The following SLC2A7 variants were observed in gnomAD, a reference collection of about 807,000 sequenced individuals.
SLC2A7 encodes solute carrier family 2 member 7.
Under a neutral mutation model 50.5 loss-of-function variants are expected in SLC2A7, and 50 were observed. That is an observed-to-expected ratio of 0.99 (90% confidence interval 0.79 to 1.25). The LOEUF (loss-of-function observed/expected upper bound fraction) is 1.25, where lower values mean the gene tolerates loss of function less well. SLC2A7 is among the 50% of genes most tolerant of loss of function. SLC2A7 has a pLI of 0.00. For missense variants in SLC2A7, 683 were observed against 679.1 expected (o/e 1.01, Z -0.06); for synonymous variants, 308 against 300.4 (o/e 1.03, Z -0.26).
chr1:8,993,613 T>G, the SLC2A7 span, among the ~76,000 whole-genome samples: 3 of 152,278 alleles, frequency 2.0e-5, no homozygotes, highest in African/African-American at 7.2e-5. Flanking sequence ...AATAAAAGTA[T>G]TCTATAAAAA....
chr1:9,014,821 C>G lies in SLC2A7; in HGVS notation c.763G>C (p.Asp255His). 1 of 1,605,686 alleles carries G rather than the reference C, an allele frequency of 6.2e-7. No homozygotes were observed. The highest frequency in any genetic ancestry group is 2.2e-5 in the East Asian group (1 of 44,472). The change falls in exon 7 of 12, where the codon GAC becomes CAC. Residue 255 changes from aspartate to histidine, a missense_variant. Asp to His is a moderately conservative substitution (Grantham distance 81). Transcript: ENST00000400906. Reference protein sequence around the residue: ...GHTDMEAELEDMRAEARAERA... With the variant: ...GHTDMEAELEHMRAEARAERA... Reference sequence around the variant, plus strand: ...TCGGCCCGGGCCTCCGCACGCATGTCCTCCAGCTCGGCCTCCATGTCCGTG... The same window carrying G: ...TCGGCCCGGGCCTCCGCACGCATGTGCTCCAGCTCGGCCTCCATGTCCGTG...
chr1:8,993,139 C>T, the SLC2A7 span, among the ~76,000 whole-genome samples: 3 of 152,208 alleles, frequency 2.0e-5, no homozygotes, highest in Non-Finnish European at 4.4e-5. Flanking sequence ...GAGCAAGGCA[C>T]GTCTTACACG....
At chr1:9,021,521 A>G (rs1252303788) in intron 3 of SLC2A7, among the ~76,000 whole-genome samples, 1 of 152,150 alleles carries the variant, frequency 6.6e-6, no homozygotes, top group African/African-American at 2.4e-5. Flanking sequence ...TGGTGCCAAG[A>G]GCAGGGAGTG....
At chr1:8,994,535 C>T in the SLC2A7 span, among the ~76,000 whole-genome samples, 2 of 152,090 alleles carry the variant, frequency 1.3e-5, no homozygotes, top group African/African-American at 2.4e-5. Flanking sequence ...GATAAACAAG[C>T]ATTTACTGAA....
At position 9,004,796 on chromosome 1, in the gene SLC2A7, A is replaced by T. The variant is rs1395554100; in HGVS notation, c.1276T>A (p.Trp426Arg). The T allele has an allele frequency of 1.9e-6, 3 of 1,613,996 alleles. No homozygotes were observed. In the Admixed American group the frequency reaches 5.0e-5, roughly 27 times the overall value. ...AAGCCTATGATGAAGTTGGTGAGCCAGTGCACTGCCCCGTCCACCATGAAA... is the reference window on the plus strand; with the variant it reads ...AAGCCTATGATGAAGTTGGTGAGCCTGTGCACTGCCCCGTCCACCATGAAA... Reference protein sequence around the residue: ...AAFMVDGAVHWLTNFIIGFLF... With the variant: ...AAFMVDGAVHRLTNFIIGFLF... The change falls in exon 11 of 12, where the codon TGG (tryptophan) becomes AGG (arginine). Residue 426 changes from tryptophan to arginine, a missense_variant. Coordinates refer to ENST00000400906, the MANE Select transcript of SLC2A7 (RefSeq NM_207420.3).
intron 10 of SLC2A7, among the ~76,000 whole-genome samples, chr1:9,006,528 A>T (rs1640655736): frequency 6.6e-6 from 1 of 152,196 alleles, no homozygotes; most frequent in Non-Finnish European, 1.5e-5. Context: ...TTGGGATTAC[A>T]GGCATGAGCC....
Position 9,010,149 on chromosome 1 carries a change from T to G in SLC2A7, c.1110A>C (p.Leu370=), listed in dbSNP as rs539234300. 1 of 1,542,754 alleles carries G rather than the reference T, an allele frequency of 6.5e-7. No individual in the cohort carries two copies. Among genetic ancestry groups the G allele is most frequent in the Admixed American group, 2.0e-5 (1 of 50,832 alleles). The change falls in exon 9 of 12, where the codon CTA becomes CTC. Residue 370 remains leucine, a synonymous_variant. Transcript: ENST00000400906. ...SACLVLTVVL[L]FQNRVPELSY... is the part of the protein sequence containing the mutation. ...GCAGGAAATGAGGTCAGACCTGGAA[T>G]AGGAGCACCACCGTCAGCACCAGGC...
At chr1:9,010,110 TC>T (rs1477667534) in intron 9 of SLC2A7, 32 bp downstream of exon 9, 2 of 1,304,808 alleles carry the variant, frequency 1.5e-6, no homozygotes, top group East Asian at 5.5e-5. Flanking sequence ...TCCCCATGAC[TC>T]CCCACCCAGG....
chr1:9,007,541 G>C (rs1640673464), intron 9 of SLC2A7, among the ~76,000 whole-genome samples, 156 bp from the exon 10 acceptor site: 1 of 152,178 alleles, frequency 6.6e-6, no homozygotes, highest in African/African-American at 2.4e-5. Context: ...AAGAGAGGAA[G>C]GCCAGTGAGA....
At position 9,003,385 on chromosome 1, in the gene SLC2A7, T is replaced by C. The variant is rs1640603541; in HGVS notation, c.1454A>G (p.Asn485Ser). Residue 485 changes from asparagine (N) to serine (S), a missense_variant, in exon 12 of 12, where the codon AAC becomes AGC. Asn to Ser is a conservative substitution (Grantham distance 46). Coordinates refer to ENST00000400906, the MANE Select transcript of SLC2A7 (RefSeq NM_207420.3). ...VEINRIFAKRNRVKLPEEKEE... is the reference protein window; with the variant it reads ...VEINRIFAKRSRVKLPEEKEE... ...TTTCTCCTCTGGAAGCTTCACCCTG[T>C]TTCTCTTGGCAAAAATGCGGTTTAT... 1.2e-6 allele frequency: 2 copies of C among 1,614,066 alleles called. No homozygotes were observed. The highest frequency in any genetic ancestry group is 1.7e-5 in the Admixed American group (1 of 59,994).
At chr1:9,017,992 T>A (rs1640854239) in intron 5 of SLC2A7, among the ~76,000 whole-genome samples, 1 of 152,098 alleles carries the variant, frequency 6.6e-6, no homozygotes. Context: ...CTTCCCTTTA[T>A]AGCAGAACCC....
downstream of SLC2A7, among the ~76,000 whole-genome samples, chr1:8,999,222 G>A (rs955648634): frequency 4.6e-5 from 7 of 152,146 alleles, no homozygotes; most frequent in African/African-American, 1.7e-4. Context: ...ATGTTAGCCA[G>A]GCTGGTCTCG....
intron 1 of SLC2A7, among the ~76,000 whole-genome samples, chr1:9,025,815 C>T (rs1640990200): frequency 6.6e-6 from 1 of 152,186 alleles, no homozygotes; most frequent in African/African-American, 2.4e-5. Flanking sequence ...CTGACCATGT[C>T]CTAGAGCCAA....
the SLC2A7 span, among the ~76,000 whole-genome samples, chr1:8,993,297 C>T: frequency 6.6e-6 from 1 of 152,196 alleles, no homozygotes; most frequent in South Asian, 2.1e-4. Context: ...GTCCCTCCCA[C>T]AACGTGTGGG....
At chr1:9,004,709 T>C (rs201123692) in intron 11 of SLC2A7, 43 bp downstream of exon 11, 4 of 1,611,042 alleles carry the variant, frequency 2.5e-6, no homozygotes, top group East Asian at 2.2e-5. Context: ...TCTTACTCCC[T>C]GGAGGCCCGG....
intron 9 of SLC2A7, among the ~76,000 whole-genome samples, chr1:9,007,789 A>G (rs560775347): frequency 1.3e-5 from 2 of 150,666 alleles, no homozygotes; most frequent in African/African-American, 2.4e-5. Flanking sequence ...CCCAGGCTGA[A>G]GTGCAGTGGC....
In SLC2A7 at chr1:9,013,648, A is replaced by G. The variant is rs1640783534; in HGVS notation, c.904-13T>C. ...CATAGTAGTTGATCTAAACAAAAAC[A>G]CAGGGCTGTCAGGACAGGCCGGAAG... On this transcript the variant is annotated splice_polypyrimidine_tract_variant and intron_variant, in intron 7 of 11. Transcript: ENST00000400906. The G allele has an allele frequency of 8.1e-6, 13 of 1,611,146 alleles. No individual in the cohort carries two copies. Among genetic ancestry groups the G allele is most frequent in the Non-Finnish European group, 1.1e-5 (13 of 1,177,692 alleles).
rs144505778 is a variant in SLC2A7, at chr1:9,007,373, C to T, written c.1129G>A (p.Glu377Lys). 1.6e-3 allele frequency: 2,580 copies of T among 1,614,122 alleles called. 4 individuals are homozygous for T. The highest frequency in any genetic ancestry group is 2.4e-3 in the African/African-American group (181 of 75,032). ...VVLLFQNRVP[E>K]LSYLGIICVF... Reference sequence around the variant, plus strand: ...CAGATGATGCCGAGGTAGGACAGCTCGGGGACCCTGTTCTGTGGGGAGAGG... The same window carrying T: ...CAGATGATGCCGAGGTAGGACAGCTTGGGGACCCTGTTCTGTGGGGAGAGG... The change falls in exon 10 of 12, where the codon GAG (glutamate) becomes AAG (lysine). Residue 377 changes from glutamate to lysine, a missense_variant. Physicochemically the swap from Glu to Lys is moderately conservative, Grantham distance 56. Transcript: ENST00000400906.
rs199994353 is a variant in SLC2A7 at position 9,015,161 on chromosome 1, C to A, written c.671G>T (p.Arg224Leu). 10 of 1,612,826 alleles carry A rather than the reference C, an allele frequency of 6.2e-6. No individual in the cohort carries two copies. The highest frequency in any genetic ancestry group is 8.5e-6 in the Non-Finnish European group (10 of 1,179,736). Reference sequence around the variant, plus strand: ...ATCTCCTTTCTGAATCAGGGAGTAGCGGGGGCTTTCGGGGAAGAAGGGCAG... The same window carrying A: ...ATCTCCTTTCTGAATCAGGGAGTAGAGGGGGCTTTCGGGGAAGAAGGGCAG... ...LTLPFFPESP[R>L]YSLIQKGDEA... The change falls in exon 6 of 12, where the codon CGC becomes CTC. Residue 224 changes from arginine (R) to leucine (L), a missense_variant. Physicochemically the swap from Arg to Leu is moderately radical, Grantham distance 102. Transcript: ENST00000400906.
Sources: gnomAD v4.1 joint callset for allele counts (sites outside exome capture counted in the v4.1 genomes callset) on GRCh38, gnomAD v4.1.1 for gene constraint, MANE v1.5 for transcripts, NCBI Gene and HGNC (gene_info 2026-07-23, HGNC 2026-07-21) for gene names.